ADCY4: variants seen among roughly 807,000 people sequenced by gnomAD.
ADCY4 encodes adenylate cyclase type 4.
A neutral mutation model predicts 125.5 loss-of-function variants in ADCY4; 111 were observed. The ratio of observed to expected loss-of-function variants is 0.88; its 90% CI spans 0.76 to 1.04. The LOEUF is 1.04. ADCY4 is among the 50% of genes least tolerant of loss of function. ADCY4 has a pLI of 0.00. For missense variants in ADCY4, 1,256 were observed against 1,382.9 expected (o/e 0.91, Z 1.46); for synonymous variants, 576 against 586.9 (o/e 0.98, Z 0.27).
intron 19 of ADCY4, 93 bp from the exon 20 acceptor site, chr14:24,322,317 A>AC: frequency 7.2e-7 from 1 of 1,398,040 alleles, no homozygotes; most frequent in Non-Finnish European, 9.7e-7. Context: ...GCCTGAAACC[A>AC]CCCCCACCCC....
intron 3 of ADCY4, 88 bp from the exon 4 acceptor site, chr14:24,332,025 G>T: frequency 7.1e-7 from 1 of 1,402,534 alleles, no homozygotes. Context: ...GGCTGGGGAA[G>T]ACTGGGCTTT....
intron 10 of ADCY4, 200 bp downstream of exon 10, chr14:24,328,861 G>A (rs1374113351): frequency 4.6e-6 from 3 of 648,740 alleles, no homozygotes; most frequent in Non-Finnish European, 5.3e-6. Context: ...AGGTGAGCTG[G>A]AGGGCTCTTT....
chr14:24,330,037 G>T lies in ADCY4; in HGVS notation c.1059-19C>A. ...CAGTTTCCTGAGCAGTGTGTGTGTGGGACAATCTGAGTCCTACCCTCAGCC... is the reference window on the plus strand; with the variant it reads ...CAGTTTCCTGAGCAGTGTGTGTGTGTGACAATCTGAGTCCTACCCTCAGCC... On this transcript the variant is annotated intron_variant, in intron 7 of 24. Coordinates refer to ENST00000418030, the MANE Select transcript of ADCY4 (RefSeq NM_001198568.2). The T allele has an allele frequency of 1.2e-6, 2 of 1,608,278 alleles. No individual in the cohort carries two copies. Among genetic ancestry groups the T allele is most frequent in the South Asian group, 1.1e-5 (1 of 90,872 alleles).
Position 24,325,848 on chromosome 14 carries a change from C to T in ADCY4, c.1695G>A (p.Leu565=). 1.3e-6 allele frequency: 2 copies of T among 1,597,876 alleles called. No homozygotes were observed. The highest frequency in any genetic ancestry group is 1.7e-6 in the Non-Finnish European group (2 of 1,170,346). The change falls in exon 13 of 25, where the codon CTG becomes CTA. Residue 565 remains leucine (L), a synonymous_variant. Transcript: ENST00000418030. The part of the protein sequence containing the change: ...KQSKDFNPLT[L]YFREKEMEKE... The stretch of plus-strand genomic sequence containing the variant: ...TCTCCATCTCCTTCTCTCTGAAGTA[C>T]AGTGTCAGTGGGTTGAAGTCCTTCG...
At chr14:24,326,050 G>GC (rs1037900376) in intron 12 of ADCY4, 29 bp downstream of exon 12, 3 of 1,563,720 alleles carry the variant, frequency 1.9e-6, no homozygotes, top group South Asian at 1.2e-5. Context: ...AGGGCCTGCG[G>GC]CCCCCCCAGC....
At position 24,318,730 on chromosome 14, in the gene ADCY4, G is replaced by T. The variant is rs150391939; in HGVS notation, c.3005C>A (p.Pro1002Gln). The T allele has an allele frequency of 5.5e-5, 88 of 1,613,958 alleles. No homozygotes were observed. The highest frequency in any genetic ancestry group is 7.0e-5 in the Non-Finnish European group (83 of 1,180,036). ...TGTGTTGCCCCAAATGTCATATTGC[G>T]GCTTCTGGGCCCCAATAACTCCAGC... ...VVAGVIGAQK[P>Q]QYDIWGNTVN... The change falls in exon 24 of 25, where the codon CCG becomes CAG. Residue 1002 changes from proline (P) to glutamine (Q), a missense_variant. Coordinates refer to ENST00000418030, the MANE Select transcript of ADCY4 (RefSeq NM_001198568.2).
chr14:24,334,259 A>T (rs1310588048), intron 1 of ADCY4, among the ~76,000 whole-genome samples: 1 of 152,194 alleles, frequency 6.6e-6, no homozygotes, highest in African/African-American at 2.4e-5. Flanking sequence ...ATGTTCATAA[A>T]GTCTGTCAGA....
At chr14:24,327,444 A>C (rs2041966793) in intron 10 of ADCY4, among the ~76,000 whole-genome samples, 1 of 151,180 alleles carries the variant, frequency 6.6e-6, no homozygotes, top group Admixed American at 6.6e-5. Flanking sequence ...CCCACACACC[A>C]CTCCACCCAT....
chr14:24,329,356 G>A (rs2042002532), intron 9 of ADCY4, 45 bp downstream of exon 9: 9 of 1,547,600 alleles, frequency 5.8e-6, no homozygotes, highest in African/African-American at 1.4e-5. Flanking sequence ...TGGCTGTGGG[G>A]TGGTTTGTGT....
At chr14:24,324,813 C>T (rs1018226233) in intron 14 of ADCY4, among the ~76,000 whole-genome samples, 2 of 152,048 alleles carry the variant, frequency 1.3e-5, no homozygotes, top group Admixed American at 6.5e-5. Context: ...GAGCGATTCT[C>T]CTGCCTCAGC....
Position 24,329,997 on chromosome 14 carries a change from G to T in ADCY4, c.1080C>A (p.Gly360=), listed in dbSNP as rs751676186. Residue 360 remains glycine, a synonymous_variant, in exon 8 of 25, where the codon GGC becomes GGA. Transcript: ENST00000418030. The part of the protein sequence containing the change: ...RAIRKLRAAT[G]VDINMRVGVH... ...CGCCCACACGCATGTTGATGTCCAC[G>T]CCAGTGGCTGCCCGCAGTTTCCTGA... The T allele has an allele frequency of 5.6e-6, 9 of 1,613,842 alleles. No homozygotes were observed. Among genetic ancestry groups the T allele is most frequent in the South Asian group, 1.1e-5 (1 of 91,078 alleles).
Position 24,319,090 on chromosome 14 carries a change from T to C in ADCY4, c.2956+8A>G, listed in dbSNP as rs779619111. On this transcript the variant is annotated splice_region_variant and intron_variant, in intron 23 of 24. Transcript: ENST00000418030. This position sits in a 1 kb window ranked among gnomAD's most constrained non-coding sequence, Gnocchi z 4.5. ...TACCAGACTGCTGCAGCAGGGGAAG[T>C]CTCTCACCCACTCGCAGGCGGAAGT... The C allele has an allele frequency of 1.2e-6, 2 of 1,613,610 alleles. No homozygotes were observed. Among genetic ancestry groups the C allele is most frequent in the Admixed American group, 3.3e-5 (2 of 60,014 alleles).
At chr14:24,321,897 C>T (rs549507982) in intron 20 of ADCY4, 169 bp downstream of exon 20, 3 of 1,362,426 alleles carry the variant, frequency 2.2e-6, no homozygotes, top group South Asian at 2.2e-5. Context: ...GTTTTGTGCT[C>T]ACCAAAGAAA....
chr14:24,322,885 G>C lies in ADCY4; in HGVS notation c.2342+19C>G. On this transcript the variant is annotated intron_variant, in intron 18 of 24. Transcript: ENST00000418030. ...CCATCCCAGGGGGCCCGGCACCTCT[G>C]TCCAGCAGCTGTGCACACCTGGAGT... 5 of 1,577,580 alleles carry C rather than the reference G, an allele frequency of 3.2e-6. No individual in the cohort carries two copies. Among genetic ancestry groups the C allele is most frequent in the Non-Finnish European group, 2.6e-6 (3 of 1,161,734 alleles).
chr14:24,322,863 T>C, intron 18 of ADCY4, 41 bp downstream of exon 18: 1 of 1,557,106 alleles, frequency 6.4e-7, no homozygotes, highest in Non-Finnish European at 8.7e-7. Context: ...TCTCACCCCA[T>C]CCCAGGGGGC....
Position 24,324,391 on chromosome 14 carries a change from C to T in ADCY4, c.1824G>A (p.Arg608=), listed in dbSNP as rs769173180. Reference sequence around the variant, plus strand: ...TATACGTGATGGCCAGAGCTGGGGGCCTGAAGGGAGACAAAAGCGAGGCCT... The same window carrying T: ...TATACGTGATGGCCAGAGCTGGGGGTCTGAAGGGAGACAAAAGCGAGGCCT... ...NFIIQMLVTN[R]PPALAITYSI... The change falls in exon 15 of 25, where the codon AGG becomes AGA. Residue 608 remains arginine, a splice_region_variant and synonymous_variant. Coordinates refer to ENST00000418030, the MANE Select transcript of ADCY4 (RefSeq NM_001198568.2). 2.5e-6 allele frequency: 4 copies of T among 1,613,308 alleles called. No individual in the cohort carries two copies. The South Asian group carries it at 4.4e-5, about 18-fold the overall frequency.
chr14:24,319,807 T>G lies in ADCY4; in HGVS notation c.2668A>C (p.Asn890His). ...PDFKEFYSES[N>H]INHEGLECLR... ...CACTCTAGGCCCTCATGATTGATGT[T>G]GGATTCAGAGTAGAACTCCTTGAAG... is the stretch of plus-strand genomic sequence containing the variant. Residue 890 changes from asparagine to histidine, a missense_variant, in exon 21 of 25, where the codon AAC becomes CAC. By Grantham distance (68) the Asn-to-His change is moderately conservative. Transcript: ENST00000418030. The surrounding 1 kb of genome is among the most constrained non-coding windows in gnomAD (Gnocchi z 4.5). 6.2e-7 allele frequency: 1 copy of G among 1,614,180 alleles called. No homozygotes were observed. Among genetic ancestry groups the G allele is most frequent in the Non-Finnish European group, 8.5e-7 (1 of 1,180,020 alleles).
At position 24,326,515 on chromosome 14, in the gene ADCY4, G is replaced by T; in HGVS notation, c.1525-173C>A. The T allele has an allele frequency of 5.5e-6, 4 of 722,566 alleles. No homozygotes were observed. The South Asian group carries it at 7.0e-5, about 13-fold the overall frequency. 44.8% of individuals were successfully genotyped at this position (722,566 alleles called of 1,614,324 possible). A position where few individuals can be genotyped will look rare whatever the true frequency, so the allele number is the denominator to read the frequency against. On this transcript the variant is annotated intron_variant, in intron 10 of 24. Coordinates refer to ENST00000418030, the MANE Select transcript of ADCY4 (RefSeq NM_001198568.2). ...CTCCCAAATCCCACCTGCCCTTGAA[G>T]GGGAGGTTTGAATCTCCTTAAAGTT...
At chr14:24,334,467 C>A (rs777646707) in intron 1 of ADCY4, 27 bp downstream of exon 1, 3 of 1,567,640 alleles carry the variant, frequency 1.9e-6, no homozygotes, top group East Asian at 2.3e-5. Context: ...CAGGTAGAGA[C>A]CCTCCCGCAG....
Sources: gnomAD v4.1 joint callset for allele counts (sites outside exome capture counted in the v4.1 genomes callset) on GRCh38, gnomAD v4.1.1 for gene constraint, Gnocchi (gnomAD v3.1) non-coding constraint, MANE v1.5 for transcripts, NCBI Gene and HGNC (gene_info 2026-07-23, HGNC 2026-07-21) for gene names.